Variants in LRRC7 observed in about 807,000 individuals in gnomAD.
The protein encoded by LRRC7 is leucine rich repeat containing 7.
LRRC7 carries 23 observed loss-of-function variants against 175.7 expected under a neutral mutation model. The ratio of observed to expected loss-of-function variants is 0.13; its 90% CI spans 0.09 to 0.19. The LOEUF is 0.19. Among genes scored for constraint, LRRC7 ranks in the 10% least tolerant of loss-of-function variants. The pLI is 1.00. For missense variants in LRRC7, 1,354 were observed against 1,904.7 expected (o/e 0.71, Z 5.38); for synonymous variants, 685 against 680.9 (o/e 1.01, Z -0.09).
At chr1:69,712,119 C>T (rs945088431) in intron 2 of LRRC7, among the ~76,000 whole-genome samples, 3 of 151,986 alleles carry the variant, frequency 2.0e-5, no homozygotes, top group Non-Finnish European at 2.9e-5. Flanking sequence ...TCAAACAATA[C>T]TTTCATATAT....
At chr1:69,600,592 T>C (rs1267347460) in intron 1 of LRRC7, among the ~76,000 whole-genome samples, 11 of 152,248 alleles carry the variant, frequency 7.2e-5, no homozygotes, top group Admixed American at 5.9e-4. Flanking sequence ...AATCCAATAC[T>C]ACTTTGTCTA....
chr1:69,876,753 A>G (rs536941719), intron 7 of LRRC7, among the ~76,000 whole-genome samples: 4 of 152,294 alleles, frequency 2.6e-5, no homozygotes, highest in African/African-American at 9.6e-5. Flanking sequence ...TTCAATAAAC[A>G]TTTGTTGAGG....
At chr1:69,753,529 T>C (rs948629597) in intron 2 of LRRC7, among the ~76,000 whole-genome samples, 4 of 151,960 alleles carry the variant, frequency 2.6e-5, no homozygotes, top group African/African-American at 9.7e-5. Context: ...TAGTTTATCA[T>C]CAAAATGTGG....
intron 1 of LRRC7, among the ~76,000 whole-genome samples, chr1:69,630,620 A>AT (rs1557513835): frequency 1.3e-5 from 2 of 151,918 alleles, no homozygotes. Context: ...TTCAGTTTCA[A>AT]TTTTTTATTG....
At chr1:69,877,479 T>C (rs190354435) in intron 7 of LRRC7, among the ~76,000 whole-genome samples, 1 of 151,876 alleles carries the variant, frequency 6.6e-6, no homozygotes, top group South Asian at 2.1e-4. Context: ...ATTCTTTTTT[T>C]AAAAAAAACC....
chr1:69,995,282 T>C (rs1462002819), intron 11 of LRRC7, among the ~76,000 whole-genome samples: 1 of 152,192 alleles, frequency 6.6e-6, no homozygotes, highest in Non-Finnish European at 1.5e-5. Context: ...TGCTTTTGTT[T>C]ACAATCCGTG....
At chr1:69,895,194 T>C (rs1403409455) in intron 7 of LRRC7, among the ~76,000 whole-genome samples, 1 of 152,104 alleles carries the variant, frequency 6.6e-6, no homozygotes, top group Non-Finnish European at 1.5e-5. Context: ...ATTGCGCCAT[T>C]GCACTCCAGC....
intron 7 of LRRC7, chr1:69,873,932 A>C (rs1487608501): frequency 6.6e-6 from 1 of 152,530 alleles, no homozygotes; most frequent in Non-Finnish European, 1.5e-5. Flanking sequence ...AAACTAAGCC[A>C]TAATTTAAAA....
At chr1:70,075,996 G>A (rs1010289532) in intron 23 of LRRC7, 81 bp from the exon 24 acceptor site, 7 of 1,438,736 alleles carry the variant, frequency 4.9e-6, no homozygotes, top group Admixed American at 3.6e-5. Context: ...TTACCAGAGA[G>A]GTATTCTGTA....
intron 18 of LRRC7, among the ~76,000 whole-genome samples, chr1:70,029,819 G>A (rs1658518115): frequency 6.6e-6 from 1 of 152,120 alleles, no homozygotes; most frequent in African/African-American, 2.4e-5. Flanking sequence ...TGGGATAGAT[G>A]AGACTTTGGT....
At chr1:69,635,709 T>A (rs1045697306) in intron 1 of LRRC7, among the ~76,000 whole-genome samples, 4 of 152,028 alleles carry the variant, frequency 2.6e-5, no homozygotes, top group African/African-American at 9.7e-5. Flanking sequence ...TAATGTTTGC[T>A]CACAGAAAAC....
Position 70,143,862 on chromosome 1 carries a change from TAA to T in LRRC7, c.*21979_*21980del, listed in dbSNP as rs1370483440. 1 of 152,130 alleles carries T rather than the reference TAA, an allele frequency of 6.6e-6. No homozygotes were observed. The highest frequency in any genetic ancestry group is 1.5e-5 in the Non-Finnish European group (1 of 68,020). The allele number at this position is 152,130 out of a possible 1,614,324, so 9.4% of individuals were successfully genotyped here. ...AAAAAATTGTCATTTTTGTATGTGT[TAA>T]AAAGACTACTATATCACAATTAAAA... On this transcript the variant is annotated 3_prime_UTR_variant, in exon 27 of 27. Transcript: ENST00000651989.
rs981277564 is a variant in LRRC7, at chr1:70,143,196, A to G, written c.*21309A>G. The G allele has an allele frequency of 1.5e-4, 23 of 149,846 alleles. No homozygotes were observed. The highest frequency in any genetic ancestry group is 5.4e-4 in the African/African-American group (22 of 40,868). 9.3% of individuals were successfully genotyped at this position (149,846 alleles called of 1,614,324 possible). ...TATTTTAGTAAAATGAAGAGTCTCT[A>G]GACTTTTTTTTTTTTTTTAATGATC... On this transcript the variant is annotated 3_prime_UTR_variant, in exon 27 of 27. Transcript: ENST00000651989.
At chr1:69,687,520 C>CAAAAAAAAAAAAAAAAA (rs551726376) in intron 2 of LRRC7, among the ~76,000 whole-genome samples, 74 of 96,590 alleles carry the variant, frequency 7.7e-4, no homozygotes, top group Admixed American at 9.0e-4. Context: ...AAGAAAAAAC[C>CAAAAAAAAAAAAAAAAA]AAAAAAAAAA....
intron 2 of LRRC7, among the ~76,000 whole-genome samples, chr1:69,680,565 A>G (rs1462679747): frequency 6.6e-6 from 1 of 152,022 alleles, no homozygotes; most frequent in Non-Finnish European, 1.5e-5. Flanking sequence ...TGCAAAATCT[A>G]TAAAATTGTT....
intron 1 of LRRC7, among the ~76,000 whole-genome samples, chr1:69,620,835 G>T (rs536050726): frequency 6.6e-6 from 1 of 152,046 alleles, no homozygotes; most frequent in Non-Finnish European, 1.5e-5. Flanking sequence ...CCATGAGTTG[G>T]CCTTGACAAG....
intron 4 of LRRC7, among the ~76,000 whole-genome samples, chr1:69,805,856 A>T (rs1210000064): frequency 6.6e-6 from 1 of 151,970 alleles, no homozygotes; most frequent in Non-Finnish European, 1.5e-5. Flanking sequence ...CATGGGAGAT[A>T]AAACTTACAA....
At chr1:69,791,171 C>T (rs1337234378) in intron 3 of LRRC7, among the ~76,000 whole-genome samples, 1 of 151,952 alleles carries the variant, frequency 6.6e-6, no homozygotes, top group Admixed American at 6.6e-5. Flanking sequence ...AATTCTGTCC[C>T]AGATGTTCAT....
intron 1 of LRRC7, among the ~76,000 whole-genome samples, chr1:69,595,756 C>G (rs1482478404): frequency 1.3e-5 from 2 of 152,070 alleles, no homozygotes; most frequent in Non-Finnish European, 2.9e-5. Context: ...TGCCAGATGG[C>G]ACTTCAATAA....
Sources: gnomAD v4.1 joint callset for allele counts (sites outside exome capture counted in the v4.1 genomes callset) on GRCh38, gnomAD v4.1.1 for gene constraint, MANE v1.5 for transcripts, NCBI Gene and HGNC (gene_info 2026-07-23, HGNC 2026-07-21) for gene names.